The following RNF17 variants were observed in gnomAD, a reference collection of about 807,000 sequenced individuals.
The protein encoded by RNF17 is spermatogenesis associated 23.
RNF17 carries 31 observed loss-of-function variants against 200.5 expected under a neutral mutation model. That is an observed-to-expected ratio of 0.15 (90% confidence interval 0.12 to 0.21). RNF17 has a LOEUF of 0.21. Among genes scored for constraint, RNF17 ranks in the 10% least tolerant of loss-of-function variants. RNF17 has a pLI of 1.00. For synonymous variants in RNF17, 606 were observed against 637.8 expected, an observed-to-expected ratio of 0.95 and a Z score of 0.75; for missense variants, 1,628 against 1,905.1, an observed-to-expected ratio of 0.85 and a Z score of 2.71.
intron 15 of RNF17, among the ~76,000 whole-genome samples, chr13:24,819,698 C>G (rs1050727928): frequency 4.6e-5 from 7 of 152,144 alleles, no homozygotes; most frequent in Non-Finnish European, 1.0e-4. Context: ...ATACTGTGTG[C>G]TCAATAACAT....
intron 6 of RNF17, among the ~76,000 whole-genome samples, chr13:24,782,825 A>T (rs2137571507): frequency 6.6e-6 from 1 of 152,234 alleles, no homozygotes; most frequent in East Asian, 1.9e-4. Context: ...TGTCTATATG[A>T]CTTACAATAT....
chr13:24,882,755 T>TAATA (rs1236529575), downstream of RNF17: 1 of 187,022 alleles, frequency 5.3e-6, no homozygotes, highest in African/African-American at 2.4e-5. Context: ...CTGAACATAG[T>TAATA]AATATTTTGG....
At position 24,789,758 on chromosome 13, in the gene RNF17, T is replaced by C. The variant is rs1307199931; in HGVS notation, c.921T>C (p.Phe307=). The C allele has an allele frequency of 6.3e-7, 1 of 1,584,130 alleles. No homozygotes were observed. Residue 307 remains phenylalanine (F), a synonymous_variant, in exon 9 of 36, where the codon TTT becomes TTC. Transcript: ENST00000255324. ...TCAACAATATGGGAAAGATTGAATT[T>C]AGGGACTCAACAAAGTAAGTATTTA... is the stretch of plus-strand genomic sequence containing the variant. ...CMFNNMGKIE[F]RDSTKCYPQE...
intron 15 of RNF17, among the ~76,000 whole-genome samples, chr13:24,809,598 G>A (rs1886342109): frequency 1.3e-5 from 2 of 151,940 alleles, no homozygotes; most frequent in African/African-American, 2.4e-5. Flanking sequence ...CCAGCTCCTG[G>A]ATTCATTAAT....
At chr13:24,779,636 A>G in intron 4 of RNF17, 31 bp from the exon 5 acceptor site, 2 of 1,541,222 alleles carry the variant, frequency 1.3e-6, no homozygotes, top group Non-Finnish European at 1.8e-6. Context: ...TTTTAGTTTT[A>G]TATTTGTATG....
At chr13:24,858,883 C>A in intron 25 of RNF17, 118 bp from the exon 26 acceptor site, 1 of 629,744 alleles carries the variant, frequency 1.6e-6, no homozygotes, top group African/African-American at 1.8e-5. Context: ...CAGATTTTTA[C>A]AAAAGTTCTG....
chr13:24,821,448 T>C (rs1427675857), intron 15 of RNF17, among the ~76,000 whole-genome samples: 1 of 152,214 alleles, frequency 6.6e-6, no homozygotes, highest in Non-Finnish European at 1.5e-5. Context: ...TTTTTGCCTC[T>C]TTGTCTCTCT....
downstream of RNF17, among the ~76,000 whole-genome samples, chr13:24,880,423 A>C (rs1953783699): frequency 6.6e-6 from 1 of 152,242 alleles, no homozygotes; most frequent in African/African-American, 2.4e-5. Flanking sequence ...GCATATTAAG[A>C]GGTGAACACT....
chr13:24,757,909 T>C, the RNF17 span, among the ~76,000 whole-genome samples: 30 of 152,174 alleles, frequency 2.0e-4, no homozygotes, highest in African/African-American at 7.0e-4. Context: ...GGAGGTGGGG[T>C]CTGGTGCAGG....
chr13:24,850,476 C>T (rs1891759001), intron 23 of RNF17, 33 bp downstream of exon 23: 1 of 1,266,418 alleles, frequency 7.9e-7, no homozygotes, highest in African/African-American at 1.5e-5. Flanking sequence ...TGCTGATGAT[C>T]TCATTAATGT....
In RNF17 at chr13:24,816,192, G is replaced by A. The variant is rs189722147; in HGVS notation, c.2092-9427G>A. 5.5e-4 allele frequency among the ~76,000 whole-genome samples: 83 copies of A among 152,146 alleles called. 1 individual carries two copies. Among genetic ancestry groups the A allele is most frequent in the African/African-American group, 1.8e-3 (76 of 41,500 alleles). On this transcript the variant is annotated intron_variant, in intron 15 of 35. Transcript: ENST00000255324. The stretch of plus-strand genomic sequence containing the variant: ...TGGGAGTACAGCCGTGGGCCACTGC[G>A]CCTGCTGCATTGATTTTCATATGTC...
chr13:24,825,558 A>G, intron 15 of RNF17, 61 bp from the exon 16 acceptor site: 3 of 1,109,036 alleles, frequency 2.7e-6, no homozygotes, highest in Non-Finnish European at 3.9e-6. Context: ...CTTGTAATTC[A>G]TTCAACACTT....
At chr13:24,827,603 G>A (rs1888829152) in intron 16 of RNF17, among the ~76,000 whole-genome samples, 1 of 147,402 alleles carries the variant, frequency 6.8e-6, no homozygotes, top group South Asian at 2.2e-4. Flanking sequence ...TTGGGAGGCT[G>A]AGGCAGGAGA....
At chr13:24,865,059 A>G in intron 29 of RNF17, 61 bp downstream of exon 29, 1 of 1,243,104 alleles carries the variant, frequency 8.0e-7, no homozygotes, top group East Asian at 2.4e-5. Context: ...AAAATGTCAC[A>G]TTTTGTCTTA....
At chr13:24,782,843 C>T (rs1465720233) in intron 6 of RNF17, among the ~76,000 whole-genome samples, 5 of 152,216 alleles carry the variant, frequency 3.3e-5, no homozygotes, top group African/African-American at 9.6e-5. Flanking sequence ...TATTTTCTCC[C>T]ATTTGTAAGT....
At chr13:24,814,654 C>A (rs1266099526) in intron 15 of RNF17, among the ~76,000 whole-genome samples, 1 of 152,166 alleles carries the variant, frequency 6.6e-6, no homozygotes, top group African/African-American at 2.4e-5. Flanking sequence ...GGTCTTGGCA[C>A]CCTTGTTAAA....
In RNF17 at chr13:24,826,951, T is replaced by C. The variant is rs184211587; in HGVS notation, c.2245+1179T>C. Among the ~76,000 whole-genome samples, 1,343 of 151,954 alleles carry C rather than the reference T, an allele frequency of 8.8e-3. 65 individuals carry two copies. Among genetic ancestry groups the C allele is most frequent in the Admixed American group, 0.081 (1,240 of 15,262 alleles). Reference sequence around the variant, plus strand: ...GGTGCATGCCTGTAGTCCTAGTTACTCAGGAGGCTGAGGCAGGAGAATCAC... The same window carrying C: ...GGTGCATGCCTGTAGTCCTAGTTACCCAGGAGGCTGAGGCAGGAGAATCAC... On this transcript the variant is annotated intron_variant, in intron 16 of 35. Transcript: ENST00000255324.
chr13:24,821,610 A>G (rs182840590), intron 15 of RNF17, among the ~76,000 whole-genome samples: 415 of 151,206 alleles, frequency 2.7e-3, no homozygotes, highest in Admixed American at 4.9e-3. Flanking sequence ...TCTTCTTTCC[A>G]CTCAATGCTG....
intron 22 of RNF17, among the ~76,000 whole-genome samples, chr13:24,848,861 C>T (rs1439053505): frequency 6.6e-6 from 1 of 152,068 alleles, no homozygotes; most frequent in Non-Finnish European, 1.5e-5. Context: ...AATAAATAAA[C>T]CATAACTGGT....
Sources: gnomAD v4.1 joint callset for allele counts (sites outside exome capture counted in the v4.1 genomes callset) on GRCh38, gnomAD v4.1.1 for gene constraint, MANE v1.5 for transcripts, NCBI Gene and HGNC (gene_info 2026-07-23, HGNC 2026-07-21) for gene names.